The following ISG20 variants were observed in gnomAD, a reference collection of about 807,000 sequenced individuals.
The protein encoded by ISG20 is interferon stimulated exonuclease gene 20.
A neutral mutation model predicts 11.1 loss-of-function variants in ISG20; 8 were observed. The ratio of observed to expected loss-of-function variants is 0.72; its 90% CI spans 0.42 to 1.30. The LOEUF (loss-of-function observed/expected upper bound fraction) is 1.30. Ranked by LOEUF, ISG20 falls within the 50% of genes most tolerant of loss-of-function variation. The pLI is 0.01. For missense variants in ISG20, 243 were observed against 250.2 expected (o/e 0.97, Z 0.19); for synonymous variants, 110 against 101.7 (o/e 1.08, Z -0.49).
intron 2 of ISG20, chr15:88,647,554 C>G (rs1217809982): frequency 6.6e-6 from 1 of 152,214 alleles, no homozygotes; most frequent in South Asian, 2.1e-4. Context: ...ACAAATCAGA[C>G]TGTCAGCACA....
In ISG20 at chr15:88,643,785, C is replaced by G. The variant is rs1366014204; in HGVS notation, c.228+4191C>G. On this transcript the variant is annotated intron_variant, in intron 2 of 3. Coordinates refer to ENST00000306072, the MANE Select transcript of ISG20 (RefSeq NM_002201.6). This position sits in a 1 kb window ranked among gnomAD's most constrained non-coding sequence, Gnocchi z 4.4. ...GTTCTAGAAGTACAGATTGAGTAGC[C>G]CTTATCTGAAATGCTGGGGACCAGA... Among the ~76,000 whole-genome samples the G allele has an allele frequency of 2.0e-5, 3 of 152,074 alleles. No individual in the cohort carries two copies. The highest frequency in any genetic ancestry group is 4.8e-5 in the African/African-American group (2 of 41,386).
rs566133790 is a variant in ISG20, at chr15:88,651,720, G to C, written c.229-390G>C. The C allele has an allele frequency of 1.5e-4, 138 of 935,088 alleles. No homozygotes were observed. The African/African-American group carries it at 2.3e-3, about 15-fold the overall frequency. The allele number at this position is 935,088 out of a possible 1,614,324, so 57.9% of individuals were successfully genotyped here. A position where few individuals can be genotyped will look rare whatever the true frequency, so the allele number is the denominator to read the frequency against. ...CCAGGTAATGCATTCACAGATCCTG[G>C]GGACTAGGGTGTGGACATCTTTGGG... On this transcript the variant is annotated intron_variant, in intron 2 of 3. Transcript: ENST00000306072.
intron 2 of ISG20, chr15:88,648,493 G>A (rs2058216960): frequency 1.3e-5 from 2 of 152,488 alleles, no homozygotes; most frequent in East Asian, 1.9e-4. Context: ...CCCTGCTTGT[G>A]ACCTGGGTGC....
intron 2 of ISG20, 98 bp from the exon 3 acceptor site, chr15:88,652,012 C>T: frequency 6.4e-7 from 1 of 1,566,306 alleles, no homozygotes; most frequent in Admixed American, 1.8e-5. Context: ...TGCCCAAGGT[C>T]ACACAGCCAG....
Position 88,650,078 on chromosome 15 carries a change from T to G in ISG20, c.229-2032T>G. On this transcript the variant is annotated intron_variant, in intron 2 of 3. Coordinates refer to ENST00000306072, the MANE Select transcript of ISG20 (RefSeq NM_002201.6). This position sits in a 1 kb window ranked among gnomAD's most constrained non-coding sequence, Gnocchi z 4.0. ...GGAGAAGCAGGCTACGGGGAAGGTG[T>G]TAGGCACCAGAAGGCTCTTTCCTGG... The G allele has an allele frequency of 1.6e-6, 1 of 639,784 alleles. No individual in the cohort carries two copies. Among genetic ancestry groups the G allele is most frequent in the East Asian group, 2.8e-5 (1 of 35,618 alleles). 39.6% of individuals were successfully genotyped at this position (639,784 alleles called of 1,614,324 possible).
At chr15:88,654,260 G>C (rs1426241631) in intron 3 of ISG20, among the ~76,000 whole-genome samples, 1 of 152,188 alleles carries the variant, frequency 6.6e-6, no homozygotes, top group African/African-American at 2.4e-5. Flanking sequence ...GACAGGGGCA[G>C]GTATGCAGAG....
chr15:88,638,007 T>C, upstream of ISG20, among the ~76,000 whole-genome samples: 1 of 152,228 alleles, frequency 6.6e-6, no homozygotes. Flanking sequence ...GAAGACGTAT[T>C]TCAGTCTTTG....
intron 2 of ISG20, chr15:88,647,462 C>T (rs1204015776): frequency 6.6e-6 from 1 of 152,200 alleles, no homozygotes; most frequent in Non-Finnish European, 1.5e-5. Flanking sequence ...CCTCCCCTGC[C>T]ACGCACACAT....
upstream of ISG20, among the ~76,000 whole-genome samples, chr15:88,635,950 ATGT>A (rs1220580266): frequency 1.8e-4 from 27 of 152,188 alleles, no homozygotes; most frequent in South Asian, 2.1e-4. Context: ...GTTCAAGCCC[ATGT>A]TGTTCAAGGG....
chr15:88,651,080 T>C (rs2058265958), intron 2 of ISG20: 1 of 457,182 alleles, frequency 2.2e-6, no homozygotes. Flanking sequence ...GGACTTCTTA[T>C]AGAATTGCGG....
chr15:88,649,833 G>A (rs1015392046), intron 2 of ISG20: 11 of 218,492 alleles, frequency 5.0e-5, no homozygotes, highest in African/African-American at 1.1e-4. Context: ...CCTCTAAGTC[G>A]AGCGTGAGCT....
intron 2 of ISG20, among the ~76,000 whole-genome samples, chr15:88,646,742 G>T (rs2058180976): frequency 6.6e-6 from 1 of 152,158 alleles, no homozygotes; most frequent in Non-Finnish European, 1.5e-5. Context: ...TGAGTCTAGG[G>T]TTGGCCAGCC....
intron 3 of ISG20, among the ~76,000 whole-genome samples, chr15:88,655,000 C>T (rs1359370016): frequency 1.3e-5 from 2 of 152,210 alleles, no homozygotes; most frequent in African/African-American, 4.8e-5. Context: ...CTTTCCTTTC[C>T]ATTTATTGAC....
intron 3 of ISG20, among the ~76,000 whole-genome samples, chr15:88,653,713 G>A (rs568507578): frequency 1.0e-3 from 73 of 69,948 alleles, no homozygotes; most frequent in South Asian, 5.3e-3. Context: ...CAGCCCTCCC[G>A]CCCGCCCCCG....
chr15:88,653,205 G>C (rs1204981229), intron 3 of ISG20, among the ~76,000 whole-genome samples: 1 of 152,152 alleles, frequency 6.6e-6, no homozygotes, highest in African/African-American at 2.4e-5. Context: ...GGTTGGTTGG[G>C]AGGTGGCCCT....
intron 2 of ISG20, among the ~76,000 whole-genome samples, chr15:88,640,699 C>A (rs1334455357): frequency 1.3e-5 from 2 of 152,064 alleles, no homozygotes; most frequent in Non-Finnish European, 2.9e-5. Flanking sequence ...TGCAGTGGCT[C>A]ACATCTATAA....
In ISG20 at chr15:88,651,823, C is replaced by T. The variant is rs960669383; in HGVS notation, c.229-287C>T. ...AATATACATGACGTATGTTGAGGCACGCTTGGCACCTGGGAAATACTCAGG... is the reference window on the plus strand; with the variant it reads ...AATATACATGACGTATGTTGAGGCATGCTTGGCACCTGGGAAATACTCAGG... On this transcript the variant is annotated intron_variant, in intron 2 of 3. Coordinates refer to ENST00000306072, the MANE Select transcript of ISG20 (RefSeq NM_002201.6). The T allele has an allele frequency of 5.9e-5, 75 of 1,269,758 alleles. 1 individual carries two copies. The East Asian group carries it at 1.5e-3, about 26-fold the overall frequency. 78.7% of individuals were successfully genotyped at this position (1,269,758 alleles called of 1,614,324 possible).
chr15:88,652,914 A>G (rs980784287), intron 3 of ISG20, among the ~76,000 whole-genome samples: 7 of 151,700 alleles, frequency 4.6e-5, no homozygotes, highest in Non-Finnish European at 1.0e-4. Context: ...GGATATTTGT[A>G]CACCAGTTCC....
Position 88,650,461 on chromosome 15 carries a change from C to A in ISG20, c.229-1649C>A. 1 of 1,448,806 alleles carries A rather than the reference C, an allele frequency of 6.9e-7. No homozygotes were observed. Among genetic ancestry groups the A allele is most frequent in the Non-Finnish European group, 9.0e-7 (1 of 1,105,014 alleles). 89.7% of individuals were successfully genotyped at this position (1,448,806 alleles called of 1,614,324 possible). On this transcript the variant is annotated intron_variant, in intron 2 of 3. Coordinates refer to ENST00000306072, the MANE Select transcript of ISG20 (RefSeq NM_002201.6). This position sits in a 1 kb window ranked among gnomAD's most constrained non-coding sequence, Gnocchi z 4.0. ...TGGATTCATCCCACTGGCTTCAAGG[C>A]CTGGCTTTGCCACTAACTAGCCGTG...
Sources: gnomAD v4.1 joint callset for allele counts (sites outside exome capture counted in the v4.1 genomes callset) on GRCh38, gnomAD v4.1.1 for gene constraint, Gnocchi (gnomAD v3.1) non-coding constraint, MANE v1.5 for transcripts, NCBI Gene and HGNC (gene_info 2026-07-23, HGNC 2026-07-21) for gene names.